The following EPHA3 variants were observed in gnomAD, a reference collection of about 807,000 sequenced individuals.
EPHA3 encodes the protein ephrin type-A receptor 3.
In EPHA3, 42 loss-of-function variants were observed where a neutral mutation model predicts 107.1. The observed-to-expected ratio is 0.39, with a 90% CI of 0.31 to 0.51. The LOEUF is 0.51. Ranked by LOEUF, EPHA3 falls within the 20% of genes least tolerant of loss-of-function variation. The probability of loss-of-function intolerance (pLI) is 0.78; values close to 1 mark genes in which losing one functional copy is unlikely to be tolerated. For synonymous variants in EPHA3, 461 were observed against 424.8 expected, an observed-to-expected ratio of 1.09 and a Z score of -1.05; for missense variants, 1,183 against 1,211.2, an observed-to-expected ratio of 0.98 and a Z score of 0.35.
At chr3:89,303,087 G>A (rs1279365494) in intron 3 of EPHA3, among the ~76,000 whole-genome samples, 2 of 151,852 alleles carry the variant, frequency 1.3e-5, no homozygotes, top group Non-Finnish European at 2.9e-5. Context: ...GTAGAGACAG[G>A]GTTTCACCAT....
chr3:89,132,678 T>G (rs767104949), intron 2 of EPHA3, among the ~76,000 whole-genome samples: 2 of 152,116 alleles, frequency 1.3e-5, no homozygotes, highest in Non-Finnish European at 2.9e-5. Flanking sequence ...AGGATCAGCC[T>G]GGGAAAACAC....
At position 89,378,955 on chromosome 3, in the gene EPHA3, G is replaced by T. The variant is rs146560323; in HGVS notation, c.1307-16882G>T. Among the ~76,000 whole-genome samples the T allele has an allele frequency of 2.9e-3, 434 of 152,186 alleles. 2 individuals are homozygous for T. Among genetic ancestry groups the T allele is most frequent in the East Asian group, 0.013 (67 of 5,168 alleles). On this transcript the variant is annotated intron_variant, in intron 5 of 16. Transcript: ENST00000336596. ...AGTATTGATGCAATTTACTTATTTG[G>T]ATGGACTTAAGAAATAGAATCGCTC...
chr3:89,241,319 C>T (rs569751086), intron 3 of EPHA3, among the ~76,000 whole-genome samples: 6 of 152,100 alleles, frequency 3.9e-5, no homozygotes, highest in Non-Finnish European at 7.3e-5. Flanking sequence ...CAGTGTTGAC[C>T]TACTGTAGCT....
chr3:89,163,337 C>G (rs1441276393), intron 2 of EPHA3, among the ~76,000 whole-genome samples: 1 of 152,054 alleles, frequency 6.6e-6, no homozygotes, highest in Admixed American at 6.5e-5. Flanking sequence ...ACTTGATTAA[C>G]TTTTAGTTTG....
At chr3:89,384,578 A>C (rs1708578196) in intron 5 of EPHA3, among the ~76,000 whole-genome samples, 1 of 152,222 alleles carries the variant, frequency 6.6e-6, no homozygotes, top group Non-Finnish European at 1.5e-5. Flanking sequence ...ACATAAAATT[A>C]AGAATATTGC....
At chr3:89,287,987 G>A (rs964494536) in intron 3 of EPHA3, among the ~76,000 whole-genome samples, 1 of 151,888 alleles carries the variant, frequency 6.6e-6, no homozygotes. Context: ...CAGCTACATA[G>A]GGTTATGCCT....
At chr3:89,210,567 A>T (rs1559602297) in intron 3 of EPHA3, 47 bp downstream of exon 3, 5 of 1,500,498 alleles carry the variant, frequency 3.3e-6, no homozygotes, top group Non-Finnish European at 4.4e-6. Flanking sequence ...CTCACCTATG[A>T]GTTTATCATA....
At chr3:89,222,516 TATATGTATGTATAGATGTATAG>T (rs1353011269) in intron 3 of EPHA3, among the ~76,000 whole-genome samples, 2 of 149,386 alleles carry the variant, frequency 1.3e-5, no homozygotes, top group Non-Finnish European at 1.5e-5. Context: ...TATATATAAA[TATATGTATGTATAGATGTATAG>T]ATATGTGCAT....
At chr3:89,279,551 G>C (rs1199497011) in intron 3 of EPHA3, among the ~76,000 whole-genome samples, 1 of 151,942 alleles carries the variant, frequency 6.6e-6, no homozygotes, top group African/African-American at 2.4e-5. Context: ...TTACACATTG[G>C]TATTCAGTGA....
chr3:89,215,514 T>C (rs1320350820), intron 3 of EPHA3, among the ~76,000 whole-genome samples: 4 of 151,996 alleles, frequency 2.6e-5, no homozygotes, highest in African/African-American at 9.6e-5. Context: ...TCAGATTATT[T>C]TGAACACTCA....
At chr3:89,325,386 T>C (rs1707141848) in intron 3 of EPHA3, among the ~76,000 whole-genome samples, 1 of 152,194 alleles carries the variant, frequency 6.6e-6, no homozygotes, top group African/African-American at 2.4e-5. Flanking sequence ...ATTTTCCCGA[T>C]AGAAGCAAGC....
At chr3:89,399,770 A>G in intron 7 of EPHA3, 1 of 1,162,420 alleles carries the variant, frequency 8.6e-7, no homozygotes, top group Non-Finnish European at 1.1e-6. Flanking sequence ...AACATTATTT[A>G]ATATAGTAAC....
chr3:89,202,445 C>A lies in EPHA3; in HGVS notation c.154-7415C>A, dbSNP rs534393106. On this transcript the variant is annotated intron_variant, in intron 2 of 16. Transcript: ENST00000336596. Reference sequence around the variant, plus strand: ...GCAGGAGAATCACTTGAACCCAGGACGTGGAGGTTGCAGAGAACCGAGATC... The same window carrying A: ...GCAGGAGAATCACTTGAACCCAGGAAGTGGAGGTTGCAGAGAACCGAGATC... Among the ~76,000 whole-genome samples the A allele has an allele frequency of 2.7e-5, 4 of 147,942 alleles. No homozygotes were observed. In the South Asian group the frequency reaches 8.6e-4, roughly 32 times the overall value.
At chr3:89,415,016 C>A (rs1223752441) in intron 10 of EPHA3, among the ~76,000 whole-genome samples, 5 of 151,600 alleles carry the variant, frequency 3.3e-5, no homozygotes, top group African/African-American at 1.2e-4. Context: ...TACTTATTTG[C>A]AAATAGGTAT....
At chr3:89,390,334 C>T (rs1708700554) in intron 5 of EPHA3, among the ~76,000 whole-genome samples, 1 of 152,116 alleles carries the variant, frequency 6.6e-6, no homozygotes, top group South Asian at 2.1e-4. Flanking sequence ...TGTGGTGGCT[C>T]ATGCCTGTAA....
chr3:89,195,117 T>G (rs2107148112), intron 2 of EPHA3, among the ~76,000 whole-genome samples: 1 of 152,220 alleles, frequency 6.6e-6, no homozygotes, highest in Non-Finnish European at 1.5e-5. Flanking sequence ...GTAATTTTTT[T>G]TTCTGAATTC....
At position 89,450,219 on chromosome 3, in the gene EPHA3, A is replaced by G. The variant is rs1315561019; in HGVS notation, c.2539A>G (p.Met847Val). 2 of 1,612,868 alleles carry G rather than the reference A, an allele frequency of 1.2e-6. No individual in the cohort carries two copies. The highest frequency in any genetic ancestry group is 1.1e-5 in the South Asian group (1 of 90,804). Residue 847 changes from methionine (M) to valine (V), a missense_variant, in exon 15 of 17, where the codon ATG (methionine) becomes GTG (valine). Transcript: ENST00000336596. ...TGAGGGCTATCGACTGCCACCCCCCATGGACTGCCCAGCTGCCTTGTATCA... is the reference window on the plus strand; with the variant it reads ...TGAGGGCTATCGACTGCCACCCCCCGTGGACTGCCCAGCTGCCTTGTATCA... ...VDEGYRLPPP[M>V]DCPAALYQLM...
chr3:89,245,363 T>A (rs1482538254), intron 3 of EPHA3, among the ~76,000 whole-genome samples: 1 of 152,218 alleles, frequency 6.6e-6, no homozygotes, highest in Non-Finnish European at 1.5e-5. Context: ...GTTTTTCTTT[T>A]AATGCATTTC....
chr3:89,472,498 G>A lies in EPHA3; in HGVS notation c.2725G>A (p.Asp909Asn), dbSNP rs374961385. 1.7e-5 allele frequency: 28 copies of A among 1,613,998 alleles called. No homozygotes were observed. Among genetic ancestry groups the A allele is most frequent in the Non-Finnish European group, 2.2e-5 (26 of 1,179,956 alleles). Residue 909 changes from aspartate (D) to asparagine (N), a missense_variant, in exon 16 of 17, where the codon GAT (aspartate) becomes AAT (asparagine). Asp to Asn is a conservative substitution (Grantham distance 23). Coordinates refer to ENST00000336596, the MANE Select transcript of EPHA3 (RefSeq NM_005233.6). ...SNLLLDQSNV[D>N]ITTFRTTGDW... is the part of the protein sequence containing the mutation. ...CCTTCTTCTGGACCAAAGCAATGTG[G>A]ATATCACTACCTTCCGCACAACAGG...
Sources: allele counts gnomAD v4.1 joint callset (sites outside exome capture counted in the v4.1 genomes callset), GRCh38; gene constraint gnomAD v4.1.1; transcripts MANE v1.5; gene names NCBI Gene and HGNC (gene_info 2026-07-23, HGNC 2026-07-21).